The following XKR4 variants were observed in gnomAD, a reference collection of about 807,000 sequenced individuals.
XKR4 encodes XK-related protein 4.
XKR4 carries 12 observed loss-of-function variants against 53.9 expected under a neutral mutation model. The ratio of observed to expected loss-of-function variants is 0.22; its 90% CI spans 0.14 to 0.36. The LOEUF is 0.36. Ranked by LOEUF, XKR4 falls within the 10% of genes least tolerant of loss-of-function variation. The pLI is 1.00. For missense variants in XKR4, 799 were observed against 859.5 expected, an observed-to-expected ratio of 0.93 and a Z score of 0.88; for synonymous variants, 354 against 362.4, an observed-to-expected ratio of 0.98 and a Z score of 0.26.
At chr8:55,210,150 T>C (rs918256078) in intron 1 of XKR4, among the ~76,000 whole-genome samples, 1 of 151,932 alleles carries the variant, frequency 6.6e-6, no homozygotes, top group Non-Finnish European at 1.5e-5. Flanking sequence ...AGTGGCGTGA[T>C]CTTGGCTCAC....
intron 1 of XKR4, among the ~76,000 whole-genome samples, chr8:55,203,792 G>A (rs780819554): frequency 6.6e-6 from 1 of 152,160 alleles, no homozygotes; most frequent in Non-Finnish European, 1.5e-5. Context: ...TGCAGAAAAT[G>A]ACTCATAAAG....
chr8:55,295,923 T>C (rs2129376096), intron 1 of XKR4, among the ~76,000 whole-genome samples: 1 of 152,338 alleles, frequency 6.6e-6, no homozygotes, highest in East Asian at 1.9e-4. Context: ...TTAATACTGA[T>C]TGAATAGCAT....
chr8:55,151,901 C>CT (rs1317195786), intron 1 of XKR4, among the ~76,000 whole-genome samples: 3 of 152,166 alleles, frequency 2.0e-5, no homozygotes, highest in Non-Finnish European at 4.4e-5. Context: ...AACATCGTCA[C>CT]TATCTTTACT....
intron 1 of XKR4, among the ~76,000 whole-genome samples, chr8:55,154,003 C>T (rs1008351575): frequency 1.3e-5 from 2 of 152,148 alleles, no homozygotes; most frequent in Admixed American, 1.3e-4. Flanking sequence ...TCTTGATCTT[C>T]CTACACAGTT....
chr8:55,394,727 A>G (rs1051098886), intron 2 of XKR4, among the ~76,000 whole-genome samples: 1 of 152,168 alleles, frequency 6.6e-6, no homozygotes, highest in Non-Finnish European at 1.5e-5. Context: ...CATTCTCTCT[A>G]GGAGGAGCTA....
At chr8:55,289,650 G>T (rs187545544) in intron 1 of XKR4, among the ~76,000 whole-genome samples, 1 of 70,028 alleles carries the variant, frequency 1.4e-5, no homozygotes, top group Non-Finnish European at 3.0e-5. Flanking sequence ...AGAAAGAAAG[G>T]AAGGAAGGAA....
intron 1 of XKR4, among the ~76,000 whole-genome samples, chr8:55,257,627 T>C (rs918137058): frequency 6.6e-6 from 1 of 152,230 alleles, no homozygotes; most frequent in Non-Finnish European, 1.5e-5. Flanking sequence ...TATGCAAATA[T>C]ATGCAGAATC....
chr8:55,454,500 C>T (rs751425282), intron 2 of XKR4: 14 of 1,240,334 alleles, frequency 1.1e-5, no homozygotes, highest in South Asian at 9.1e-5. Flanking sequence ...AAAGACAGTA[C>T]GTTGGTGATG....
intron 1 of XKR4, among the ~76,000 whole-genome samples, chr8:55,349,029 A>T (rs766480408): frequency 1.2e-4 from 19 of 152,332 alleles, no homozygotes; most frequent in Non-Finnish European, 2.2e-4. Flanking sequence ...GAAAATCCAA[A>T]GATTAAGGTA....
intron 1 of XKR4, among the ~76,000 whole-genome samples, chr8:55,172,812 G>C (rs970165869): frequency 2.0e-5 from 3 of 152,152 alleles, no homozygotes; most frequent in African/African-American, 7.2e-5. Flanking sequence ...TTTTGTTAGG[G>C]TATCAGTGAT....
chr8:55,325,164 G>A (rs1053975918), intron 1 of XKR4, among the ~76,000 whole-genome samples: 2 of 152,108 alleles, frequency 1.3e-5, no homozygotes, highest in Non-Finnish European at 1.5e-5. Context: ...TAGTTAAAGG[G>A]TAAAATATGA....
chr8:55,411,028 C>T (rs1804769361), intron 2 of XKR4, among the ~76,000 whole-genome samples: 1 of 152,210 alleles, frequency 6.6e-6, no homozygotes, highest in Admixed American at 6.5e-5. Flanking sequence ...GACTTACAAC[C>T]AAATCTTTCT....
intron 1 of XKR4, among the ~76,000 whole-genome samples, chr8:55,264,720 C>T (rs1361863094): frequency 6.6e-6 from 1 of 152,182 alleles, no homozygotes; most frequent in Non-Finnish European, 1.5e-5. Flanking sequence ...AATTAGCATG[C>T]AGAATAGAAA....
In XKR4 at chr8:55,284,215, A is replaced by C; in HGVS notation, c.807-73463A>C. Among the ~76,000 whole-genome samples, 2 of 152,340 alleles carry C rather than the reference A, an allele frequency of 1.3e-5. 1 individual carries two copies. The highest frequency in any genetic ancestry group is 6.8e-3 in the Middle Eastern group (2 of 294). On this transcript the variant is annotated intron_variant, in intron 1 of 2. Transcript: ENST00000327381. ...TGTGAGAAAATACAGAAATTATATC[A>C]ATAAATTTACTAGGTTATATAATGT... is the stretch of plus-strand genomic sequence containing the variant.
intron 2 of XKR4, among the ~76,000 whole-genome samples, chr8:55,370,067 AAAC>A (rs767644178): frequency 5.9e-5 from 9 of 152,098 alleles, no homozygotes; most frequent in East Asian, 5.8e-4. Flanking sequence ...TCTGTAGGAA[AAAC>A]AACAACAACA....
At chr8:55,307,135 T>C (rs903403767) in intron 1 of XKR4, among the ~76,000 whole-genome samples, 1 of 152,132 alleles carries the variant, frequency 6.6e-6, no homozygotes, top group Non-Finnish European at 1.5e-5. Flanking sequence ...GGAAAATTGA[T>C]AAATTGGACT....
At chr8:55,518,440 C>T (rs905106301) in intron 2 of XKR4, among the ~76,000 whole-genome samples, 11 of 152,084 alleles carry the variant, frequency 7.2e-5, no homozygotes, top group Non-Finnish European at 1.3e-4. Context: ...CTTTGCAATG[C>T]TCAAGGGGAC....
intron 2 of XKR4, among the ~76,000 whole-genome samples, chr8:55,481,853 C>T (rs989625452): frequency 6.6e-6 from 1 of 152,186 alleles, no homozygotes; most frequent in Non-Finnish European, 1.5e-5. Context: ...GAGATACCAT[C>T]TCACACCAGT....
At chr8:55,232,883 C>G (rs960635164) in intron 1 of XKR4, among the ~76,000 whole-genome samples, 1 of 152,142 alleles carries the variant, frequency 6.6e-6, no homozygotes, top group African/African-American at 2.4e-5. Flanking sequence ...GCATTTTGGT[C>G]TCTTCCACTC....
Sources: gnomAD v4.1 joint callset for allele counts (sites outside exome capture counted in the v4.1 genomes callset) on GRCh38, gnomAD v4.1.1 for gene constraint, MANE v1.5 for transcripts, NCBI Gene and HGNC (gene_info 2026-07-23, HGNC 2026-07-21) for gene names.